IRS4: variants seen among roughly 807,000 people sequenced by gnomAD.
The protein encoded by IRS4 is 160 kDa phosphotyrosine protein.
Under a neutral mutation model 48.6 loss-of-function variants are expected in IRS4, and 15 were observed. The observed-to-expected ratio is 0.31, with a 90% CI of 0.21 to 0.48. The LOEUF is 0.48. Ranked by LOEUF, IRS4 falls within the 20% of genes least tolerant of loss-of-function variation. The probability of loss-of-function intolerance (pLI) is 0.99; values close to 1 mark genes in which losing one functional copy is unlikely to be tolerated. For missense variants in IRS4, 987 were observed against 1,023.4 expected (o/e 0.96, Z 0.49); for synonymous variants, 459 against 413.2 (o/e 1.11, Z -1.34).
intron 1 of IRS4, chrX:108,726,455 G>A (rs755823182): frequency 8.9e-6 from 1 of 111,853 alleles, no homozygotes; most frequent in Non-Finnish European, 1.9e-5. Context: ...GCAACAATAA[G>A]GACTTCATCA....
rs780020045 is a variant in IRS4 at position 108,720,597 on chromosome X, T to C, written c.*1922A>G. ...ATACAGTATTTTCCCCCAAGTAATC[T>C]TTTTTCCCACAATTCTGAACAATTA... On this transcript the variant is annotated 3_prime_UTR_variant, in exon 2 of 2. Transcript: ENST00000372129. The C allele has an allele frequency of 8.9e-6, 1 of 111,867 alleles. No homozygotes were observed. The highest frequency in any genetic ancestry group is 1.9e-5 in the Non-Finnish European group (1 of 53,188). The allele number at this position is 111,867 out of a possible 1,213,427, so 9.2% of individuals were successfully genotyped here.
In IRS4 at chrX:108,736,285, CGCT is replaced by C. The variant is rs763837154; in HGVS notation, c.57_59del (p.Ala25del). On this transcript the variant is annotated inframe_deletion, in exon 1 of 2. Coordinates refer to ENST00000372129, the MANE Select transcript of IRS4 (RefSeq NM_001379150.1). Reference sequence around the variant, plus strand: ...CTGCTGCTAGAGCTGCCGCTGCCGCCGCTGCTGCACCTCTTAGTCTTCTTGTCG... The same window carrying C: ...CTGCTGCTAGAGCTGCCGCTGCCGCCGCTGCACCTCTTAGTCTTCTTGTCG... 1 of 1,207,293 alleles carries C rather than the reference CGCT, an allele frequency of 8.3e-7. No homozygotes were observed. Among genetic ancestry groups the C allele is most frequent in the African/African-American group, 1.8e-5 (1 of 56,507 alleles).
At position 108,735,007 on chromosome X, in the gene IRS4, A is replaced by G; in HGVS notation, c.1338T>C (p.Pro446=). 1 of 1,212,039 alleles carries G rather than the reference A, an allele frequency of 8.3e-7. No individual in the cohort carries two copies. The highest frequency in any genetic ancestry group is 1.1e-6 in the Non-Finnish European group (1 of 895,582). ...GAGCTCCATTGTTCGGGGCTTCTGC[A>G]GGGTGCCGGGGACGTGCTGGGCTGG... ...LAPSPARPRH[P]AEAPNNGARL... The change falls in exon 1 of 2, where the codon CCT becomes CCC. Residue 446 remains proline (P), a synonymous_variant. Transcript: ENST00000372129.
chrX:108,732,921 C>A lies in IRS4; in HGVS notation c.3424G>T (p.Ala1142Ser). ...QVVAAASALAAAPGIGAAAAA... is the reference protein window; with the variant it reads ...QVVAAASALASAPGIGAAAAA... Reference sequence around the variant, plus strand: ...GCTGCTGCGCCGATGCCCGGGGCTGCGGCGAGCGCGGAGGCCGCAGCTACA... The same window carrying A: ...GCTGCTGCGCCGATGCCCGGGGCTGAGGCGAGCGCGGAGGCCGCAGCTACA... Residue 1142 changes from alanine to serine, a missense_variant, in exon 1 of 2, where the codon GCA becomes TCA. Around this residue, in one of 4 missense-constraint regions of IRS4, gnomAD observed 720 missense variants for 660.3 expected, o/e 1.09. Transcript: ENST00000372129. 1.7e-6 allele frequency: 2 copies of A among 1,180,149 alleles called. No individual in the cohort carries two copies. The highest frequency in any genetic ancestry group is 3.5e-5 in the African/African-American group (2 of 56,831).
chrX:108,724,088 G>C (rs2068865172), intron 1 of IRS4: 1 of 111,894 alleles, frequency 8.9e-6, no homozygotes, highest in African/African-American at 3.2e-5. Context: ...GCTTTAAAAG[G>C]GACTTCTTGC....
Position 108,733,117 on chromosome X carries a change from C to G in IRS4, c.3228G>C (p.Gln1076His). Residue 1076 changes from glutamine (Q) to histidine (H), a missense_variant, in exon 1 of 2, where the codon CAG becomes CAC. This residue lies in a region of IRS4 where 720 missense variants were observed against 660.3 expected (regional missense o/e 1.09). Transcript: ENST00000372129. ...GGCGTCTTCTCTCCTGCTCTTCTTC[C>G]TGCAGCAGCCTAGCTACAGGTGGTG... ...SEPPPVARLL[Q>H]EEEQERRRPQ... 8.3e-7 allele frequency: 1 copy of G among 1,211,438 alleles called. No individual in the cohort carries two copies. Among genetic ancestry groups the G allele is most frequent in the Non-Finnish European group, 1.1e-6 (1 of 895,189 alleles).
At chrX:108,729,977 TACTA>T (rs2068891709) in intron 1 of IRS4, among the ~76,000 whole-genome samples, 1 of 112,090 alleles carries the variant, frequency 8.9e-6, no homozygotes, top group African/African-American at 3.2e-5. Context: ...GTATAGTACT[TACTA>T]TATGCCAGGC....
At chrX:108,726,355 T>C (rs768824003) in intron 1 of IRS4, 1 of 111,701 alleles carries the variant, frequency 9.0e-6, no homozygotes, top group Admixed American at 9.5e-5. Context: ...CTTCCAGCCA[T>C]GGCAATAGGA....
intron 1 of IRS4, among the ~76,000 whole-genome samples, chrX:108,729,629 T>C (rs1000470582): frequency 8.9e-6 from 1 of 112,396 alleles, no homozygotes; most frequent in African/African-American, 3.2e-5. Context: ...AATACAGTCA[T>C]GTCTAAGGTT....
At position 108,734,343 on chromosome X, in the gene IRS4, T is replaced by C. The variant is rs776511463; in HGVS notation, c.2002A>G (p.Lys668Glu). 3.3e-6 allele frequency: 4 copies of C among 1,211,474 alleles called. No homozygotes were observed. In the Admixed American group the frequency reaches 8.7e-5, roughly 26 times the overall value. ...GCATCTTTCACTTCTTTGGCTTCTTTGCATTCTTTCGTGGCTCCTCTGTCA... is the reference window on the plus strand; with the variant it reads ...GCATCTTTCACTTCTTTGGCTTCTTCGCATTCTTTCGTGGCTCCTCTGTCA... ...CVDRGATKEC[K>E]EAKEVKDAEI... is the part of the protein sequence containing the mutation. Residue 668 changes from lysine (K) to glutamate (E), a missense_variant, in exon 1 of 2, where the codon AAA becomes GAA. Transcript: ENST00000372129.
intron 1 of IRS4, among the ~76,000 whole-genome samples, chrX:108,729,836 T>C (rs1283689831): frequency 8.9e-6 from 1 of 112,208 alleles, no homozygotes; most frequent in Non-Finnish European, 1.9e-5. Context: ...ATGTAAAGTA[T>C]TTTAAATGCA....
At chrX:108,727,496 T>C (rs2148014532) in intron 1 of IRS4, among the ~76,000 whole-genome samples, 1 of 111,922 alleles carries the variant, frequency 8.9e-6, no homozygotes, top group East Asian at 2.8e-4. Flanking sequence ...ATCCAATGAT[T>C]GTGGCAAAAA....
rs764111057 is a variant in IRS4 at position 108,720,007 on chromosome X, GATATAC to G, written c.*2506_*2511del. The G allele has an allele frequency of 1.8e-5, 2 of 111,343 alleles. No homozygotes were observed. Among genetic ancestry groups the G allele is most frequent in the South Asian group, 3.7e-4 (1 of 2,678 alleles). 9.2% of individuals were successfully genotyped at this position (111,343 alleles called of 1,213,427 possible). A position where few individuals can be genotyped will look rare whatever the true frequency, so the allele number is the denominator to read the frequency against. On this transcript the variant is annotated 3_prime_UTR_variant, in exon 2 of 2. Transcript: ENST00000372129. ...TGGAAAGGCAAGTCAGATATATATAGATATACATATATATATAAACACTATACAGAG... is the reference window on the plus strand; with the variant it reads ...TGGAAAGGCAAGTCAGATATATATAGATATATATATAAACACTATACAGAG...
rs1395919349 is a variant in IRS4, at chrX:108,734,804, C to T, written c.1541G>A (p.Ser514Asn). Residue 514 changes from serine to asparagine, a missense_variant, in exon 1 of 2, where the codon AGC (serine) becomes AAC (asparagine). By Grantham distance (46) the Ser-to-Asn change is conservative (BLOSUM62 1). Coordinates refer to ENST00000372129, the MANE Select transcript of IRS4 (RefSeq NM_001379150.1). ...ACACTGGTTTCCTCCCGAGCTATGG[C>T]TACTGGAGCCTTGGCCATTTGAGCC... ...GQGSNGQGSS[S>N]HSSGGNQCSG... is the part of the protein sequence containing the mutation. 8.3e-7 allele frequency: 1 copy of T among 1,211,748 alleles called. No homozygotes were observed. Among genetic ancestry groups the T allele is most frequent in the Admixed American group, 2.2e-5 (1 of 46,077 alleles).
At position 108,733,895 on chromosome X, in the gene IRS4, C is replaced by T. The variant is rs1371775639; in HGVS notation, c.2450G>A (p.Ser817Asn). The T allele has an allele frequency of 1.7e-6, 2 of 1,211,537 alleles. No individual in the cohort carries two copies. The highest frequency in any genetic ancestry group is 3.5e-5 in the South Asian group (2 of 56,977). The change falls in exon 1 of 2, where the codon AGC (serine) becomes AAC (asparagine). Residue 817 changes from serine to asparagine, a missense_variant. By Grantham distance (46) the Ser-to-Asn change is conservative. Coordinates refer to ENST00000372129, the MANE Select transcript of IRS4 (RefSeq NM_001379150.1). ...SYFSLPNPFRSSPLGQNDNSE... is the reference protein window; with the variant it reads ...SYFSLPNPFRNSPLGQNDNSE... ...GTTGTCATTCTGTCCCAAAGGTGAGCTCCGAAAAGGGTTTGGTAGAGAGAA... is the reference window on the plus strand; with the variant it reads ...GTTGTCATTCTGTCCCAAAGGTGAGTTCCGAAAAGGGTTTGGTAGAGAGAA...
At chrX:108,727,412 T>A (rs1292068332) in intron 1 of IRS4, among the ~76,000 whole-genome samples, 1 of 112,168 alleles carries the variant, frequency 8.9e-6, no homozygotes, top group Non-Finnish European at 1.9e-5. Flanking sequence ...GCAGAATTGC[T>A]GGAGAATATA....
rs1036720844 is a variant in IRS4, at chrX:108,735,981, C to T, written c.364G>A (p.Val122Ile). The change falls in exon 1 of 2, where the codon GTC becomes ATC. Residue 122 changes from valine (V) to isoleucine (I), a missense_variant. By Grantham distance (29) the Val-to-Ile change is conservative. Transcript: ENST00000372129. ...YENARKFRHS[V>I]RAAAAAAAAA... ...GCTGCTGCAGCCGCCGCGGCGCGGA[C>T]ACTGTGCCGGAACTTCCTGGCATTT... is the stretch of plus-strand genomic sequence containing the variant. The T allele has an allele frequency of 8.3e-7, 1 of 1,207,041 alleles. No homozygotes were observed. Among genetic ancestry groups the T allele is most frequent in the Non-Finnish European group, 1.1e-6 (1 of 894,092 alleles).
At chrX:108,730,076 A>G (rs945310885) in intron 1 of IRS4, among the ~76,000 whole-genome samples, 11 of 111,721 alleles carry the variant, frequency 9.8e-5, no homozygotes, top group African/African-American at 3.3e-4. Flanking sequence ...CCTCTGTCAA[A>G]GCATTATGTT....
At position 108,735,240 on chromosome X, in the gene IRS4, C is replaced by T. The variant is rs768371234; in HGVS notation, c.1105G>A (p.Gly369Arg). Residue 369 changes from glycine (G) to arginine (R), a missense_variant, in exon 1 of 2, where the codon GGA becomes AGA. Physicochemically the swap from Gly to Arg is moderately radical, Grantham distance 125. Transcript: ENST00000372129. ...RHLGLVPLEP[G>R]GWLRRSRFEQ... ...AAGCGGGACCTTCTGAGCCAGCCTC[C>T]CGGCTCGAGCGGCACCAAGCCCAGG... 26 of 1,211,644 alleles carry T rather than the reference C, an allele frequency of 2.1e-5. No homozygotes were observed. Among genetic ancestry groups the T allele is most frequent in the Non-Finnish European group, 2.9e-5 (26 of 895,547 alleles).
Sources: allele counts gnomAD v4.1 joint callset (sites outside exome capture counted in the v4.1 genomes callset), GRCh38; gene constraint gnomAD v4.1.1; regional missense constraint gnomAD v4.1.1; transcripts MANE v1.5; gene names NCBI Gene and HGNC (gene_info 2026-07-23, HGNC 2026-07-21).